The following PCDHGA7 variants were observed in gnomAD, a reference collection of about 807,000 sequenced individuals.
PCDHGA7 encodes the protein protocadherin gamma-A7.
PCDHGA7 carries 44 observed loss-of-function variants against 58.3 expected under a neutral mutation model. The observed-to-expected ratio is 0.75, with a 90% CI of 0.59 to 0.97. PCDHGA7 has a LOEUF of 0.97. Among genes scored for constraint, PCDHGA7 ranks in the 50% least tolerant of loss-of-function variants. PCDHGA7 has a pLI of 0.00. For missense variants in PCDHGA7, 1,266 were observed against 1,188.7 expected (o/e 1.06, Z -0.96); for synonymous variants, 516 against 504.2 (o/e 1.02, Z -0.31).
intron 1 of PCDHGA7, chr5:141,402,922 C>A: frequency 1.3e-6 from 2 of 1,576,446 alleles, no homozygotes; most frequent in Non-Finnish European, 8.6e-7. Flanking sequence ...GCACAGAGAT[C>A]CTTTTGAGAA....
chr5:141,500,186 T>A (rs1008615587), intron 2 of PCDHGA7, among the ~76,000 whole-genome samples: 7 of 99,362 alleles, frequency 7.0e-5, no homozygotes, highest in African/African-American at 3.5e-4. Flanking sequence ...ATTTTTATTT[T>A]TATTTATTTA....
At chr5:141,436,331 T>A (rs919524287) in intron 1 of PCDHGA7, among the ~76,000 whole-genome samples, 1 of 152,198 alleles carries the variant, frequency 6.6e-6, no homozygotes, top group Non-Finnish European at 1.5e-5. Flanking sequence ...TTAGACCATA[T>A]CTCAAATATC....
intron 1 of PCDHGA7, among the ~76,000 whole-genome samples, chr5:141,461,390 C>T (rs1220034894): frequency 2.0e-5 from 3 of 152,080 alleles, no homozygotes; most frequent in East Asian, 3.9e-4. Context: ...TGATGATTAG[C>T]GATGTTGAGC....
Position 141,383,710 on chromosome 5 carries a change from G to T in PCDHGA7, c.811G>T (p.Glu271Ter). 6.2e-7 allele frequency: 1 copy of T among 1,613,992 alleles called. No homozygotes were observed. Among genetic ancestry groups the T allele is most frequent in the South Asian group, 1.1e-5 (1 of 91,090 alleles). The change falls in exon 1 of 4, where the codon GAG (glutamate) becomes TAG (stop). Residue 271 changes from glutamate (E) to a stop codon, truncating the protein, a stop_gained. Transcript: ENST00000518325. LOFTEE classifies it high-confidence loss of function. ...LLTVHAIDLD[E>*]GVNGEVTYSF... Reference sequence around the variant, plus strand: ...CACGGTACATGCTATCGACCTGGACGAGGGAGTCAATGGGGAAGTGACATA... The same window carrying T: ...CACGGTACATGCTATCGACCTGGACTAGGGAGTCAATGGGGAAGTGACATA...
rs967686346 is a variant in PCDHGA7, at chr5:141,384,609, T to A, written c.1710T>A (p.Asp570Glu). The change falls in exon 1 of 4, where the codon GAT becomes GAA. Residue 570 changes from aspartate to glutamate, a missense_variant. Physicochemically the swap from Asp to Glu is conservative, Grantham distance 45. Coordinates refer to ENST00000518325, the MANE Select transcript of PCDHGA7 (RefSeq NM_018920.4). ...PEILYPALPT[D>E]GSTGMELAPR... ...TCCTGTACCCGGCCCTCCCCACAGATGGTTCTACTGGCATGGAGCTGGCAC... is the reference window on the plus strand; with the variant it reads ...TCCTGTACCCGGCCCTCCCCACAGAAGGTTCTACTGGCATGGAGCTGGCAC... 5 of 1,614,148 alleles carry A rather than the reference T, an allele frequency of 3.1e-6. No homozygotes were observed. The highest frequency in any genetic ancestry group is 1.3e-5 in the African/African-American group (1 of 75,042).
At chr5:141,471,046 C>CT (rs1170588345) in intron 1 of PCDHGA7, among the ~76,000 whole-genome samples, 3,156 of 113,234 alleles carry the variant, frequency 0.028, 57 homozygotes, top group African/African-American at 0.046. Context: ...CCCAAGCCCT[C>CT]TTTTTTTTTT....
intron 1 of PCDHGA7, chr5:141,394,793 C>T (rs1178290546): frequency 1.1e-5 from 17 of 1,613,654 alleles, no homozygotes; most frequent in African/African-American, 2.7e-5. Flanking sequence ...CTGTCACGCT[C>T]ACCGTAGCCG....
rs751320023 is a variant in PCDHGA7 at position 141,431,263 on chromosome 5, G to T, written c.2424+45940G>T. 6 of 1,614,060 alleles carry T rather than the reference G, an allele frequency of 3.7e-6. No homozygotes were observed. In the East Asian group the frequency reaches 1.3e-4, roughly 36 times the overall value. ...CGGATATCGGGAAGAACTCTCTGCA[G>T]AGCTACGAGCTCAGCCCGAACACTC... On this transcript the variant is annotated intron_variant, in intron 1 of 3. Transcript: ENST00000518325. The surrounding 1 kb of genome is among the most constrained non-coding windows in gnomAD (Gnocchi z 4.8).
chr5:141,443,226 A>T (rs2098374954), intron 1 of PCDHGA7, among the ~76,000 whole-genome samples: 1 of 152,042 alleles, frequency 6.6e-6, no homozygotes, highest in Non-Finnish European at 1.5e-5. Flanking sequence ...CGCATCTATA[A>T]TCTTAGCACT....
chr5:141,385,170 C>T lies in PCDHGA7; in HGVS notation c.2271C>T (p.Val757=), dbSNP rs1561606866. 2 of 1,614,212 alleles carry T rather than the reference C, an allele frequency of 1.2e-6. No individual in the cohort carries two copies. Among genetic ancestry groups the T allele is most frequent in the Non-Finnish European group, 1.7e-6 (2 of 1,180,036 alleles). ...QAFLQTYSHE[V]SLTADSRKSH... is the part of the protein sequence containing the mutation. ...TCCTGCAGACCTATTCCCATGAGGT[C>T]TCCCTCACCGCGGACTCTCGGAAGA... The change falls in exon 1 of 4, where the codon GTC becomes GTT. Residue 757 remains valine, a synonymous_variant. Transcript: ENST00000518325.
intron 1 of PCDHGA7, chr5:141,419,006 A>T: frequency 6.2e-7 from 1 of 1,614,006 alleles, no homozygotes. Context: ...TGGGGAAGTC[A>T]GGTGTAGCTT....
rs757707945 is a variant in PCDHGA7 at position 141,399,045 on chromosome 5, A to C, written c.2424+13722A>C. On this transcript the variant is annotated intron_variant, in intron 1 of 3. Coordinates refer to ENST00000518325, the MANE Select transcript of PCDHGA7 (RefSeq NM_018920.4). ...CCACTCAAAAGAAACTGGATTTTGAAGAGACCAAGGAATATTCAATGGTTG... is the reference window on the plus strand; with the variant it reads ...CCACTCAAAAGAAACTGGATTTTGACGAGACCAAGGAATATTCAATGGTTG... The C allele has an allele frequency of 3.1e-6, 5 of 1,613,878 alleles. No individual in the cohort carries two copies. The Admixed American group carries it at 5.0e-5, about 16-fold the overall frequency.
At chr5:141,464,913 AT>A (rs1366203949) in intron 1 of PCDHGA7, among the ~76,000 whole-genome samples, 1 of 151,428 alleles carries the variant, frequency 6.6e-6, no homozygotes, top group Non-Finnish European at 1.5e-5. Context: ...TAATTTTTTT[AT>A]TTTTTTGTAG....
intron 1 of PCDHGA7, chr5:141,388,909 C>A: frequency 1.2e-6 from 2 of 1,613,902 alleles, no homozygotes; most frequent in South Asian, 1.1e-5. Context: ...AATGACAACG[C>A]CCCAGAAGTG....
intron 1 of PCDHGA7, among the ~76,000 whole-genome samples, chr5:141,463,209 A>G (rs1189251811): frequency 6.6e-6 from 1 of 152,140 alleles, no homozygotes; most frequent in African/African-American, 2.4e-5. Flanking sequence ...TTGGGGATCC[A>G]TATTAATATT....
In PCDHGA7 at chr5:141,403,718, C is replaced by T. The variant is rs77227638; in HGVS notation, c.2424+18395C>T. 9.8e-3 allele frequency: 15,884 copies of T among 1,613,838 alleles called. 137 individuals carry two copies. The highest frequency in any genetic ancestry group is 0.011 in the Non-Finnish European group (12,686 of 1,179,868). ...CCGAGTTAAAGTCCTTGAGAACGTG[C>T]CCCCAGGCACCTGGCTGCTTACTGC... On this transcript the variant is annotated intron_variant, in intron 1 of 3. Coordinates refer to ENST00000518325, the MANE Select transcript of PCDHGA7 (RefSeq NM_018920.4).
At chr5:141,505,154 C>T (rs1443235547) in intron 2 of PCDHGA7, among the ~76,000 whole-genome samples, 2 of 152,028 alleles carry the variant, frequency 1.3e-5, no homozygotes, top group Non-Finnish European at 2.9e-5. Flanking sequence ...AGAGTAAGAC[C>T]CTGTCTAAAA....
intron 1 of PCDHGA7, chr5:141,429,276 T>C (rs748800169): frequency 6.6e-5 from 10 of 152,228 alleles, no homozygotes; most frequent in Non-Finnish European, 1.2e-4. Flanking sequence ...TTTTTTCCTG[T>C]GATGTTTCTT....
In PCDHGA7 at chr5:141,432,827, A is replaced by G. The variant is rs758445645; in HGVS notation, c.2424+47504A>G. ...AGCTAACTCTGAAACCTCAGACCTC[A>G]CTCTGTACCTGGTGGTAGCGGTGGC... On this transcript the variant is annotated intron_variant, in intron 1 of 3. Transcript: ENST00000518325. The surrounding 1 kb of genome is among the most constrained non-coding windows in gnomAD (Gnocchi z 6.0). 9 of 1,613,142 alleles carry G rather than the reference A, an allele frequency of 5.6e-6. No individual in the cohort carries two copies. Among genetic ancestry groups the G allele is most frequent in the Admixed American group, 1.7e-5 (1 of 59,958 alleles).
Sources: allele counts gnomAD v4.1 joint callset (sites outside exome capture counted in the v4.1 genomes callset), GRCh38; gene constraint gnomAD v4.1.1; non-coding constraint Gnocchi (gnomAD v3.1); transcripts MANE v1.5; gene names NCBI Gene and HGNC (gene_info 2026-07-23, HGNC 2026-07-21).